The following FBN1 variants were observed in gnomAD, a reference collection of about 807,000 sequenced individuals.
FBN1 encodes fibrillin-1.
A neutral mutation model predicts 365.1 loss-of-function variants in FBN1; 29 were observed. The observed-to-expected ratio is 0.08, with a 90% CI of 0.06 to 0.11. The LOEUF is 0.11. FBN1 is among the 10% of genes least tolerant of loss of function. The pLI is 1.00. For missense variants in FBN1, 2,476 were observed against 3,703.2 expected, an observed-to-expected ratio of 0.67 and a Z score of 8.60; for synonymous variants, 1,210 against 1,270.5, an observed-to-expected ratio of 0.95 and a Z score of 1.01.
chr15:48,558,239 G>C (rs548289933), intron 6 of FBN1, among the ~76,000 whole-genome samples: 6 of 152,194 alleles, frequency 3.9e-5, no homozygotes, highest in African/African-American at 1.4e-4. Flanking sequence ...TCTTCTTCCA[G>C]TTTATCTAAA....
intron 2 of FBN1, among the ~76,000 whole-genome samples, chr15:48,621,664 G>T (rs1359771132): frequency 6.6e-6 from 1 of 152,126 alleles, no homozygotes; most frequent in Non-Finnish European, 1.5e-5. Context: ...TTTGAATAAG[G>T]AATAGACTTT....
At chr15:48,547,155 A>G (rs983931306) in intron 6 of FBN1, among the ~76,000 whole-genome samples, 1 of 152,094 alleles carries the variant, frequency 6.6e-6, no homozygotes, top group African/African-American at 2.4e-5. Flanking sequence ...TTTTTTATAA[A>G]TTTCTTTTCC....
At chr15:48,573,053 G>A (rs931277320) in intron 6 of FBN1, among the ~76,000 whole-genome samples, 2 of 152,152 alleles carry the variant, frequency 1.3e-5, no homozygotes, top group Admixed American at 6.6e-5. Flanking sequence ...ATGAGCCAGC[G>A]AGGTGGGAAA....
intron 6 of FBN1, among the ~76,000 whole-genome samples, chr15:48,589,720 T>C (rs1300102024): frequency 1.3e-5 from 2 of 149,198 alleles, no homozygotes; most frequent in East Asian, 4.0e-4. Flanking sequence ...TTCACGCCAT[T>C]CTCCCGCTTC....
At chr15:48,446,584 A>T in intron 47 of FBN1, 122 bp downstream of exon 47, 1 of 750,632 alleles carries the variant, frequency 1.3e-6, no homozygotes, top group Non-Finnish European at 2.4e-6. Flanking sequence ...CCCATAACCA[A>T]TTGTTATGCA....
rs1340155407 is a variant in FBN1 at position 48,452,648 on chromosome 15, C to T, written c.5459G>A (p.Arg1820His). The T allele has an allele frequency of 2.4e-5, 39 of 1,614,116 alleles. No individual in the cohort carries two copies. Among genetic ancestry groups the T allele is most frequent in the Middle Eastern group, 3.3e-4 (2 of 6,062 alleles). ...TGCAGTGTTGATGCATTCGGCGTTG[C>T]GCTGGCACACTGGGCCGTTCTGACA... The part of the protein sequence containing the change: ...DECQNGPVCQ[R>H]NAECINTAGS... Residue 1820 changes from arginine to histidine, a missense_variant, in exon 45 of 66, where the codon CGC (arginine) becomes CAC (histidine). Physicochemically the swap from Arg to His is conservative, Grantham distance 29. Transcript: ENST00000316623.
At chr15:48,580,708 G>A (rs2044384907) in intron 6 of FBN1, among the ~76,000 whole-genome samples, 1 of 152,056 alleles carries the variant, frequency 6.6e-6, no homozygotes. Context: ...TGTTTCTCAG[G>A]GGGAAAAAAC....
intron 6 of FBN1, among the ~76,000 whole-genome samples, chr15:48,555,294 A>G (rs1449297099): frequency 6.6e-6 from 1 of 152,148 alleles, no homozygotes; most frequent in Non-Finnish European, 1.5e-5. Context: ...GCCCAGCATG[A>G]GCTTCTAACG....
At chr15:48,540,465 T>C (rs370207068) in intron 6 of FBN1, among the ~76,000 whole-genome samples, 30 of 152,300 alleles carry the variant, frequency 2.0e-4, no homozygotes, top group African/African-American at 7.2e-4. Context: ...TAAATGCTAT[T>C]CTACAATATG....
rs985838664 is a variant in FBN1, at chr15:48,415,394, T to C, written c.8051+142A>G. 13 of 709,396 alleles carry C rather than the reference T, an allele frequency of 1.8e-5. No individual in the cohort carries two copies. In the Admixed American group the frequency reaches 2.3e-4, roughly 12 times the overall value. 43.9% of individuals were successfully genotyped at this position (709,396 alleles called of 1,614,324 possible). A position where few individuals can be genotyped will look rare whatever the true frequency, so the allele number is the denominator to read the frequency against. ...TTCCAAATAAAATAACCTAAAACTT[T>C]TGCCAAGCTAACTGGAATTAATTTT... On this transcript the variant is annotated intron_variant, in intron 64 of 65. Transcript: ENST00000316623.
rs2043746138 is a variant in FBN1, at chr15:48,510,095, A to G, written c.1663T>C (p.Cys555Arg). 6.2e-7 allele frequency: 1 copy of G among 1,613,536 alleles called. No homozygotes were observed. Among genetic ancestry groups the G allele is most frequent in the Admixed American group, 1.7e-5 (1 of 59,974 alleles). ...RCINTDGSFH[C>R]VCNAGFHVTR... Reference sequence around the variant, plus strand: ...ACATGAAAGCCCGCATTACACACGCAATGAAAACTGCCATCTGTGTTGATG... The same window carrying G: ...ACATGAAAGCCCGCATTACACACGCGATGAAAACTGCCATCTGTGTTGATG... The change falls in exon 14 of 66, where the codon TGC becomes CGC. Residue 555 changes from cysteine (C) to arginine (R), a missense_variant. By Grantham distance (180) the Cys-to-Arg change is radical. Transcript: ENST00000316623.
At chr15:48,432,546 AT>A (rs1455295237) in intron 55 of FBN1, among the ~76,000 whole-genome samples, 1 of 152,132 alleles carries the variant, frequency 6.6e-6, no homozygotes, top group African/African-American at 2.4e-5. Flanking sequence ...ATCTGTCTCA[AT>A]CTCTTCATAT....
intron 6 of FBN1, among the ~76,000 whole-genome samples, chr15:48,594,213 C>T (rs1312477841): frequency 1.3e-5 from 2 of 152,160 alleles, no homozygotes; most frequent in East Asian, 3.8e-4. Flanking sequence ...TCCTCTCTCC[C>T]ATGTGGTGTG....
intron 50 of FBN1, among the ~76,000 whole-genome samples, chr15:48,440,360 G>C (rs1033549521): frequency 6.6e-6 from 1 of 152,164 alleles, no homozygotes; most frequent in African/African-American, 2.4e-5. Flanking sequence ...AGTGCAAATT[G>C]AATTAATAGC....
chr15:48,617,215 C>T (rs1161995849), intron 2 of FBN1, among the ~76,000 whole-genome samples: 1 of 151,920 alleles, frequency 6.6e-6, no homozygotes, highest in African/African-American at 2.4e-5. Context: ...CGCTCTGTCG[C>T]CCAGGCTGGA....
chr15:48,602,226 T>C (rs2044573282), intron 4 of FBN1, among the ~76,000 whole-genome samples: 1 of 152,198 alleles, frequency 6.6e-6, no homozygotes. Context: ...CCGCTAATCT[T>C]TTCTGATATC....
intron 50 of FBN1, among the ~76,000 whole-genome samples, chr15:48,439,080 C>G (rs1434081463): frequency 6.6e-6 from 1 of 152,200 alleles, no homozygotes; most frequent in Non-Finnish European, 1.5e-5. Context: ...AAGACAGTCT[C>G]ACCAGCTTTT....
At chr15:48,630,960 G>T (rs1889977763) in intron 2 of FBN1, among the ~76,000 whole-genome samples, 1 of 152,020 alleles carries the variant, frequency 6.6e-6, no homozygotes, top group Non-Finnish European at 1.5e-5. Context: ...ATTTTTATAG[G>T]CTGTGAATGA....
At chr15:48,435,037 T>A (rs1288035342) in intron 53 of FBN1, among the ~76,000 whole-genome samples, 4 of 152,194 alleles carry the variant, frequency 2.6e-5, no homozygotes, top group Non-Finnish European at 5.9e-5. Flanking sequence ...CCTCAAGCAA[T>A]CTGCCCACCT....
Sources: gnomAD v4.1 joint callset for allele counts (sites outside exome capture counted in the v4.1 genomes callset) on GRCh38, gnomAD v4.1.1 for gene constraint, MANE v1.5 for transcripts, NCBI Gene and HGNC (gene_info 2026-07-23, HGNC 2026-07-21) for gene names.